The following UBE4B variants were observed in gnomAD, a reference collection of about 807,000 sequenced individuals.
UBE4B encodes ubiquitin conjugation factor E4 B.
In UBE4B, 27 loss-of-function variants were observed where a neutral mutation model predicts 148.1. The ratio of observed to expected loss-of-function variants is 0.18; its 90% CI spans 0.13 to 0.25. The LOEUF is 0.25. UBE4B is among the 10% of genes least tolerant of loss of function. The pLI is 1.00. For synonymous variants in UBE4B, 596 were observed against 619.3 expected (o/e 0.96, Z 0.56); for missense variants, 1,170 against 1,662.4 (o/e 0.70, Z 5.15).
At chr1:10,130,920 A>T in intron 14 of UBE4B, 107 bp downstream of exon 14, 1 of 924,240 alleles carries the variant, frequency 1.1e-6, no homozygotes, top group Non-Finnish European at 1.7e-6. Context: ...CGGCTAACAA[A>T]AGCCAATTCG....
At chr1:10,150,998 A>G (rs1645965882) in intron 20 of UBE4B, among the ~76,000 whole-genome samples, 2 of 150,334 alleles carry the variant, frequency 1.3e-5, no homozygotes, top group Non-Finnish European at 1.5e-5. Flanking sequence ...CATCTCTACT[A>G]AAAATACAAA....
chr1:10,170,957 G>A, intron 24 of UBE4B, 181 bp from the exon 25 acceptor site: 1 of 551,140 alleles, frequency 1.8e-6, no homozygotes, highest in Non-Finnish European at 3.1e-6. Flanking sequence ...TATCAGATCA[G>A]AAATGGGGAG....
At chr1:10,040,467 TC>T (rs1026747557) in intron 1 of UBE4B, among the ~76,000 whole-genome samples, 9 of 151,816 alleles carry the variant, frequency 5.9e-5, no homozygotes, top group Non-Finnish European at 1.0e-4. Context: ...CCCAGGCTGG[TC>T]TCAAACTCCT....
intron 25 of UBE4B, among the ~76,000 whole-genome samples, chr1:10,178,102 G>A (rs1646453506): frequency 6.6e-6 from 1 of 152,112 alleles, no homozygotes; most frequent in Admixed American, 6.5e-5. Flanking sequence ...CCCCTGACAT[G>A]TGCTAGTGCT....
At chr1:10,111,373 CTT>C (rs1001509605) in intron 7 of UBE4B, among the ~76,000 whole-genome samples, 3 of 152,108 alleles carry the variant, frequency 2.0e-5, no homozygotes, top group Non-Finnish European at 2.9e-5. Flanking sequence ...TGCCTTAGGC[CTT>C]TGTACTTGTT....
In UBE4B at chr1:10,106,416, C is replaced by A. The variant is rs761713643; in HGVS notation, c.1029C>A (p.Gly343=). 3.1e-6 allele frequency: 5 copies of A among 1,613,424 alleles called. No individual in the cohort carries two copies. The African/African-American group carries it at 6.7e-5, about 22-fold the overall frequency. The stretch of plus-strand genomic sequence containing the variant: ...TCACTCACCCATGGGCGTCCTCAGG[C>A]GTCTCCATTCTGTCGAGCTCCCCAA... ...YTVTHPWASS[G]VSILSSSPSP... The change falls in exon 7 of 28, where the codon GGC becomes GGA. Residue 343 remains glycine (G), a synonymous_variant. Transcript: ENST00000343090. This position sits in a 1 kb window ranked among gnomAD's most constrained non-coding sequence, Gnocchi z 4.2.
chr1:10,078,583 T>C (rs546626182), intron 2 of UBE4B, among the ~76,000 whole-genome samples: 2 of 152,316 alleles, frequency 1.3e-5, no homozygotes, highest in East Asian at 3.9e-4. Context: ...GTTATTTTAT[T>C]TTACAGCCTT....
At chr1:10,042,433 G>A (rs927240342) in intron 1 of UBE4B, among the ~76,000 whole-genome samples, 9 of 152,232 alleles carry the variant, frequency 5.9e-5, no homozygotes, top group African/African-American at 2.2e-4. Flanking sequence ...TGGATCACGA[G>A]GTCAGGAGTT....
At chr1:10,178,930 T>G in intron 26 of UBE4B, 112 bp downstream of exon 26, 1 of 1,149,320 alleles carries the variant, frequency 8.7e-7, no homozygotes, top group Non-Finnish European at 1.2e-6. Flanking sequence ...CTAGAGCTGC[T>G]TTTTGAGACA....
intron 16 of UBE4B, 41 bp downstream of exon 16, chr1:10,135,227 C>T (rs762798481): frequency 5.1e-6 from 8 of 1,561,362 alleles, no homozygotes; most frequent in Non-Finnish European, 7.0e-6. Flanking sequence ...AAACACTGCC[C>T]TCTTGTCTGT....
At chr1:10,109,778 G>A (rs550635997) in intron 7 of UBE4B, among the ~76,000 whole-genome samples, 12 of 152,080 alleles carry the variant, frequency 7.9e-5, no homozygotes, top group African/African-American at 2.7e-4. Flanking sequence ...AGCCTCCCAA[G>A]TAGCTGGGAT....
Position 10,105,585 on chromosome 1 carries a change from G to C in UBE4B, c.650G>C (p.Arg217Thr), listed in dbSNP as rs755718728. The C allele has an allele frequency of 6.2e-7, 1 of 1,614,210 alleles. No individual in the cohort carries two copies. The highest frequency in any genetic ancestry group is 1.7e-5 in the Admixed American group (1 of 60,016). The change falls in exon 6 of 28, where the codon AGA (arginine) becomes ACA (threonine). Residue 217 changes from arginine (R) to threonine (T), a missense_variant. Physicochemically the swap from Arg to Thr is moderately conservative, Grantham distance 71 (BLOSUM62 -1). Around this residue, in one of 6 missense-constraint regions of UBE4B, gnomAD observed 91 missense variants for 120.5 expected, o/e 0.76. Coordinates refer to ENST00000343090, the MANE Select transcript of UBE4B (RefSeq NM_001105562.3). The stretch of plus-strand genomic sequence containing the variant: ...GTGCTAATGATGTCCACTCAGACCA[G>C]AGATGAAAACCCATTTGCCAGTCTG... Reference protein sequence around the residue: ...MEVLMMSTQTRDENPFASLTA... With the variant: ...MEVLMMSTQTTDENPFASLTA...
intron 23 of UBE4B, among the ~76,000 whole-genome samples, chr1:10,164,636 G>A (rs560070105): frequency 1.6e-4 from 25 of 152,310 alleles, no homozygotes; most frequent in African/African-American, 6.0e-4. Flanking sequence ...CTGTGTTAAT[G>A]GATGAAAAAG....
Position 10,135,039 on chromosome 1 carries a change from G to C in UBE4B, c.2077G>C (p.Val693Leu). The change falls in exon 16 of 28, where the codon GTA becomes CTA. Residue 693 changes from valine (V) to leucine (L), a missense_variant. By Grantham distance (32) the Val-to-Leu change is conservative. This residue lies in a region of UBE4B where 388 missense variants were observed against 536.0 expected (regional missense o/e 0.72). Coordinates refer to ENST00000343090, the MANE Select transcript of UBE4B (RefSeq NM_001105562.3). ...TGGATTTATGCTGAATTTCCTTTGGGTACTGCAGCAGCTAAGTACAAAAAT... is the reference window on the plus strand; with the variant it reads ...TGGATTTATGCTGAATTTCCTTTGGCTACTGCAGCAGCTAAGTACAAAAAT... The part of the protein sequence containing the change: ...TDGFMLNFLW[V>L]LQQLSTKIKL... 6.2e-7 allele frequency: 1 copy of C among 1,614,024 alleles called. No individual in the cohort carries two copies. The highest frequency in any genetic ancestry group is 8.5e-7 in the Non-Finnish European group (1 of 1,180,010).
chr1:10,073,920 A>ATTTTT (rs947131085), intron 2 of UBE4B, among the ~76,000 whole-genome samples: 4 of 74,854 alleles, frequency 5.3e-5, no homozygotes, highest in Admixed American at 1.8e-4. Context: ...CTTTCTTTCT[A>ATTTTT]TTTTTTTTTT....
intron 2 of UBE4B, 40 bp from the exon 3 acceptor site, chr1:10,095,421 T>C (rs756013292): frequency 6.2e-7 from 1 of 1,609,314 alleles, no homozygotes; most frequent in South Asian, 1.1e-5. Context: ...TTGAACATTA[T>C]TTCACATGGG....
rs192953287 is a variant in UBE4B, at chr1:10,160,311, G to A, written c.3054-831G>A. Among the ~76,000 whole-genome samples, 131 of 152,268 alleles carry A rather than the reference G, an allele frequency of 8.6e-4. 2 individuals carry two copies. The highest frequency in any genetic ancestry group is 2.4e-5 in the African/African-American group (1 of 41,556). ...GTGATAAGGAATAACTATATCAGTT[G>A]TTTTCTTATCTGTTGTATGTGGTTA... On this transcript the variant is annotated intron_variant, in intron 22 of 27. Transcript: ENST00000343090.
chr1:10,166,822 G>A lies in UBE4B; in HGVS notation c.3199-1314G>A, dbSNP rs375795563. 4.9e-4 allele frequency among the ~76,000 whole-genome samples: 74 copies of A among 152,198 alleles called. 2 individuals carry two copies. The East Asian group carries it at 6.6e-3, about 14-fold the overall frequency. On this transcript the variant is annotated intron_variant, in intron 23 of 27. Coordinates refer to ENST00000343090, the MANE Select transcript of UBE4B (RefSeq NM_001105562.3). ...CACGTGTAATCCCAGCTACTCAGGAGGCTGAGGCAGGAGAATGGCTCGAAC... is the reference window on the plus strand; with the variant it reads ...CACGTGTAATCCCAGCTACTCAGGAAGCTGAGGCAGGAGAATGGCTCGAAC...
chr1:10,102,888 T>C (rs973699729), intron 4 of UBE4B, 60 bp from the exon 5 acceptor site: 18 of 1,516,296 alleles, frequency 1.2e-5, no homozygotes, highest in Middle Eastern at 1.9e-4. Context: ...GTATTCCTAT[T>C]GAAACACCTA....
Sources: allele counts gnomAD v4.1 joint callset (sites outside exome capture counted in the v4.1 genomes callset), GRCh38; gene constraint gnomAD v4.1.1; regional missense constraint gnomAD v4.1.1; non-coding constraint Gnocchi (gnomAD v3.1); transcripts MANE v1.5; gene names NCBI Gene and HGNC (gene_info 2026-07-23, HGNC 2026-07-21).